Variants in DIAPH3 observed in about 807,000 individuals in gnomAD.
The protein encoded by DIAPH3 is protein diaphanous homolog 3.
In DIAPH3, 117 loss-of-function variants were observed where a neutral mutation model predicts 144.3. The ratio of observed to expected loss-of-function variants is 0.81; its 90% CI spans 0.70 to 0.95. The LOEUF (loss-of-function observed/expected upper bound fraction) is 0.95. Ranked by LOEUF, DIAPH3 falls within the 40% of genes least tolerant of loss-of-function variation. DIAPH3 has a pLI of 0.00. For missense variants in DIAPH3, 1,421 were observed against 1,412.7 expected, an observed-to-expected ratio of 1.01 and a Z score of -0.09; for synonymous variants, 519 against 488.9, an observed-to-expected ratio of 1.06 and a Z score of -0.81.
rs1194035608 is a variant in DIAPH3 at position 59,665,597 on chromosome 13, G to A, written c.*987C>T. 6.6e-6 allele frequency: 1 copy of A among 152,506 alleles called. No individual in the cohort carries two copies. 9.4% of individuals were successfully genotyped at this position (152,506 alleles called of 1,614,324 possible). A position where few individuals can be genotyped will look rare whatever the true frequency, so the allele number is the denominator to read the frequency against. ...AAAAGAAAGCATTTTTTTTCATTTA[G>A]TGCAAGTAGCAAGTTTATTTCCTTT... On this transcript the variant is annotated 3_prime_UTR_variant, in exon 28 of 28. Transcript: ENST00000400324.
chr13:59,770,861 G>A (rs1295403333), intron 27 of DIAPH3, among the ~76,000 whole-genome samples: 1 of 152,136 alleles, frequency 6.6e-6, no homozygotes, highest in Non-Finnish European at 1.5e-5. Flanking sequence ...TAAGTGCCTA[G>A]CAACAGCTTA....
At chr13:60,131,196 C>T (rs192734407) in intron 2 of DIAPH3, among the ~76,000 whole-genome samples, 9 of 152,016 alleles carry the variant, frequency 5.9e-5, no homozygotes, top group Admixed American at 4.6e-4. Flanking sequence ...TTGGAGGCCA[C>T]GGCAGAAGGA....
chr13:59,980,133 G>T (rs1197956096), intron 14 of DIAPH3, among the ~76,000 whole-genome samples: 3 of 151,512 alleles, frequency 2.0e-5, no homozygotes, highest in African/African-American at 4.8e-5. Context: ...TTAAAGAAAA[G>T]TAAGGAATTG....
chr13:59,731,080 T>C (rs888542159), intron 27 of DIAPH3, among the ~76,000 whole-genome samples: 1 of 152,216 alleles, frequency 6.6e-6, no homozygotes, highest in African/African-American at 2.4e-5. Flanking sequence ...CCTGCAAACT[T>C]CTGGGACCTC....
At chr13:60,145,376 G>T (rs958132627) in intron 1 of DIAPH3, among the ~76,000 whole-genome samples, 5 of 152,220 alleles carry the variant, frequency 3.3e-5, no homozygotes, top group Non-Finnish European at 7.3e-5. Flanking sequence ...TTAAAACCAG[G>T]CGCAGTGGCT....
At chr13:59,864,318 GT>G (rs1201424913) in intron 21 of DIAPH3, among the ~76,000 whole-genome samples, 1 of 152,028 alleles carries the variant, frequency 6.6e-6, no homozygotes, top group East Asian at 1.9e-4. Context: ...GTTGTATTCT[GT>G]TTTGTTAAAA....
intron 3 of DIAPH3, among the ~76,000 whole-genome samples, chr13:60,104,595 C>T (rs112520319): frequency 6.2e-4 from 93 of 150,718 alleles, no homozygotes; most frequent in African/African-American, 2.3e-3. Flanking sequence ...CACACACACA[C>T]GATGAGAAAA....
At chr13:59,885,423 A>T (rs2045372658) in intron 20 of DIAPH3, among the ~76,000 whole-genome samples, 1 of 140,842 alleles carries the variant, frequency 7.1e-6, no homozygotes, top group Admixed American at 7.8e-5. Flanking sequence ...TACGGTAAAC[A>T]GTTTATATAG....
chr13:59,830,913 C>T (rs868021914), intron 24 of DIAPH3, among the ~76,000 whole-genome samples: 4 of 151,784 alleles, frequency 2.6e-5, no homozygotes, highest in African/African-American at 7.3e-5. Flanking sequence ...ACCCTCCAAA[C>T]GTCAGTATTC....
chr13:60,016,423 T>C (rs185988936), intron 5 of DIAPH3, among the ~76,000 whole-genome samples: 3 of 152,232 alleles, frequency 2.0e-5, no homozygotes, highest in Admixed American at 2.0e-4. Flanking sequence ...CGTGGGTAGC[T>C]TGAAATCAGC....
chr13:59,840,565 C>T (rs145265524), intron 22 of DIAPH3, among the ~76,000 whole-genome samples: 93 of 150,914 alleles, frequency 6.2e-4, no homozygotes, highest in African/African-American at 2.2e-3. Flanking sequence ...GTTTTTTTAA[C>T]CTGGTTGTAC....
intron 27 of DIAPH3, among the ~76,000 whole-genome samples, chr13:59,764,159 A>G (rs943929946): frequency 6.6e-6 from 1 of 152,004 alleles, no homozygotes; most frequent in Non-Finnish European, 1.5e-5. Context: ...TTGCAGTAGA[A>G]CACCTTGCTC....
At chr13:60,036,180 C>T (rs1438649368) in intron 5 of DIAPH3, among the ~76,000 whole-genome samples, 3 of 152,184 alleles carry the variant, frequency 2.0e-5, no homozygotes, top group Non-Finnish European at 4.4e-5. Flanking sequence ...TTTTAAAAAA[C>T]AATCTTCAAT....
intron 25 of DIAPH3, among the ~76,000 whole-genome samples, chr13:59,797,405 C>T (rs1457296528): frequency 6.6e-6 from 1 of 152,018 alleles, no homozygotes; most frequent in East Asian, 1.9e-4. Flanking sequence ...CTTTTTTTCA[C>T]CATCACACTA....
Position 59,870,928 on chromosome 13 carries a change from C to T in DIAPH3, c.2607+8301G>A, listed in dbSNP as rs982005750. 4.6e-5 allele frequency among the ~76,000 whole-genome samples: 7 copies of T among 152,160 alleles called. No individual in the cohort carries two copies. The East Asian group carries it at 1.4e-3, about 29-fold the overall frequency. On this transcript the variant is annotated intron_variant, in intron 21 of 27. Transcript: ENST00000400324. The stretch of plus-strand genomic sequence containing the variant: ...CAGGTGATCTGCCCGCCTCAGCCTC[C>T]CAAAGTGCTTGGATTACAGGCATGA...
chr13:59,800,895 T>A (rs1162137852), intron 25 of DIAPH3, among the ~76,000 whole-genome samples: 1 of 152,154 alleles, frequency 6.6e-6, no homozygotes, highest in Non-Finnish European at 1.5e-5. Context: ...AATACATTTA[T>A]TTTTTATCTA....
intron 24 of DIAPH3, among the ~76,000 whole-genome samples, chr13:59,826,872 A>G (rs1014026164): frequency 2.0e-5 from 3 of 151,930 alleles, no homozygotes; most frequent in African/African-American, 7.2e-5. Context: ...CTCAGAAATA[A>G]CGCCGCATAT....
At chr13:59,816,622 C>T (rs1161101347) in intron 24 of DIAPH3, among the ~76,000 whole-genome samples, 1 of 151,756 alleles carries the variant, frequency 6.6e-6, no homozygotes, top group East Asian at 1.9e-4. Flanking sequence ...TTTAATCTTT[C>T]ATATCCCTCC....
Position 59,794,282 on chromosome 13 carries a change from T to C in DIAPH3, c.3163+16506A>G, listed in dbSNP as rs532329020. Among the ~76,000 whole-genome samples the C allele has an allele frequency of 2.6e-5, 4 of 152,346 alleles. No individual in the cohort carries two copies. In the South Asian group the frequency reaches 8.3e-4, roughly 32 times the overall value. On this transcript the variant is annotated intron_variant, in intron 25 of 27. Transcript: ENST00000400324. ...TTGAGGTGCATCTGTATATACAAAC[T>C]TGAATTACCATTTTCCCCAAACCTC...
Sources: gnomAD v4.1 joint callset for allele counts (sites outside exome capture counted in the v4.1 genomes callset) on GRCh38, gnomAD v4.1.1 for gene constraint, MANE v1.5 for transcripts, NCBI Gene and HGNC (gene_info 2026-07-23, HGNC 2026-07-21) for gene names.